TP53I13: variants seen among roughly 807,000 people sequenced by gnomAD.
TP53I13 encodes the protein tumor protein p53 inducible protein 13.
TP53I13 carries 27 observed loss-of-function variants against 39.1 expected under a neutral mutation model. The observed-to-expected ratio is 0.69, with a 90% CI of 0.51 to 0.95. The LOEUF (loss-of-function observed/expected upper bound fraction) is 0.95. TP53I13 is among the 40% of genes least tolerant of loss of function. The probability of loss-of-function intolerance (pLI) is 0.00; values close to 1 mark genes in which losing one functional copy is unlikely to be tolerated. For missense variants in TP53I13, 544 were observed against 520.4 expected (o/e 1.05, Z -0.44); for synonymous variants, 230 against 224.6 (o/e 1.02, Z -0.22).
the TP53I13 span, chr17:29,578,815 G>C: frequency 6.2e-7 from 1 of 1,602,636 alleles, no homozygotes; most frequent in Non-Finnish European, 8.6e-7. Flanking sequence ...GGGAGGAGAG[G>C]AGAGACCTGA....
Position 29,568,768 on chromosome 17 carries a change from C to T in TP53I13, c.10C>T (p.Pro4Ser), listed in dbSNP as rs1369540955. 3.1e-6 allele frequency: 5 copies of T among 1,590,328 alleles called. No individual in the cohort carries two copies. The highest frequency in any genetic ancestry group is 4.3e-6 in the Non-Finnish European group (5 of 1,176,224). The stretch of plus-strand genomic sequence containing the variant: ...CCCGGGGCCGCTTGGAATGGCGCCT[C>T]CTCCGCCTTCGCCCCAACTGCTTCT... MAP[P>S]PPSPQLLLLA... The change falls in exon 1 of 7, where the codon CCT becomes TCT. Residue 4 changes from proline (P) to serine (S), a missense_variant. Transcript: ENST00000301057. This position sits in a 1 kb window ranked among gnomAD's most constrained non-coding sequence, Gnocchi z 4.5.
chr17:29,577,028 C>G, downstream of TP53I13: 2 of 1,605,750 alleles, frequency 1.2e-6, no homozygotes, highest in Non-Finnish European at 1.7e-6. Context: ...TCAGGCCACA[C>G]TCCACCACAC....
rs374274922 is a variant in TP53I13 at position 29,572,167 on chromosome 17, G to A, written c.539G>A (p.Arg180Gln). Reference sequence around the variant, plus strand: ...GCCCTGGCTCTGGCCTTTGCTCTGCGGAGCTGGCGGCCCCCTGGCACAGAG... The same window carrying A: ...GCCCTGGCTCTGGCCTTTGCTCTGCAGAGCTGGCGGCCCCCTGGCACAGAG... Reference protein sequence around the residue: ...VQALALAFALRSWRPPGTEVT... With the variant: ...VQALALAFALQSWRPPGTEVT... The change falls in exon 6 of 7, where the codon CGG becomes CAG. Residue 180 changes from arginine (R) to glutamine (Q), a missense_variant. Coordinates refer to ENST00000301057, the MANE Select transcript of TP53I13 (RefSeq NM_138349.4). 42 of 1,608,168 alleles carry A rather than the reference G, an allele frequency of 2.6e-5. No homozygotes were observed. The highest frequency in any genetic ancestry group is 3.2e-5 in the Non-Finnish European group (38 of 1,176,968).
rs2033032242 is a variant in TP53I13, at chr17:29,573,089, G to A, written c.*165G>A. 4 of 492,716 alleles carry A rather than the reference G, an allele frequency of 8.1e-6. No individual in the cohort carries two copies. Among genetic ancestry groups the A allele is most frequent in the East Asian group, 3.7e-5 (1 of 27,244 alleles). The allele number at this position is 492,716 out of a possible 1,614,324, so 30.5% of individuals were successfully genotyped here. ...TGTTGGTTGCTGAGTGGGCGGCCAA[G>A]GGGAGAAAAGGAGCCGCTTCTGCCT... On this transcript the variant is annotated 3_prime_UTR_variant, in exon 7 of 7. Coordinates refer to ENST00000301057, the MANE Select transcript of TP53I13 (RefSeq NM_138349.4).
At chr17:29,568,642 A>G (rs911685578), upstream of TP53I13, 1 of 635,656 alleles carries the variant, frequency 1.6e-6, no homozygotes, top group African/African-American at 2.3e-5. This position sits in a 1 kb window ranked among gnomAD's most constrained non-coding sequence, Gnocchi z 4.5. Context: ...GCCCAGGGCC[A>G]ACGGACGCGC....
At position 29,569,003 on chromosome 17, in the gene TP53I13, G is replaced by A. The variant is rs2032818540; in HGVS notation, c.73-15G>A. On this transcript the variant is annotated splice_polypyrimidine_tract_variant and intron_variant, in intron 1 of 6. Transcript: ENST00000301057. ...GCCGCGTCCAGCGCCCCAACTCTTC[G>A]CTTTGGACCCACAGGTGATGGCTGG... 3 of 1,607,340 alleles carry A rather than the reference G, an allele frequency of 1.9e-6. No individual in the cohort carries two copies. Among genetic ancestry groups the A allele is most frequent in the East Asian group, 4.5e-5 (2 of 44,616 alleles).
At chr17:29,577,219 G>A (rs1239441366), downstream of TP53I13, 1 of 1,613,866 alleles carries the variant, frequency 6.2e-7, no homozygotes, top group African/African-American at 1.3e-5. Flanking sequence ...AAACTCTCGG[G>A]CATTAAAGCG....
chr17:29,573,024 T>C lies in TP53I13; in HGVS notation c.*100T>C. 1 of 1,001,962 alleles carries C rather than the reference T, an allele frequency of 1.0e-6. No homozygotes were observed. The highest frequency in any genetic ancestry group is 3.4e-5 in the East Asian group (1 of 29,818). 62.1% of individuals were successfully genotyped at this position (1,001,962 alleles called of 1,614,324 possible). A position where few individuals can be genotyped will look rare whatever the true frequency, so the allele number is the denominator to read the frequency against. On this transcript the variant is annotated 3_prime_UTR_variant, in exon 7 of 7. Coordinates refer to ENST00000301057, the MANE Select transcript of TP53I13 (RefSeq NM_138349.4). ...CGCGCGGGGCGCTCCCTGGTGGCGA[T>C]GGCGCGGCACTGGCCGAGCACTGCG...
chr17:29,578,954 C>T, the TP53I13 span: 1 of 1,613,596 alleles, frequency 6.2e-7, no homozygotes, highest in Non-Finnish European at 8.5e-7. Flanking sequence ...CCGGCAGGCA[C>T]CATATACCTC....
chr17:29,573,295 C>T (rs879125406), downstream of TP53I13: 1 of 216,164 alleles, frequency 4.6e-6, no homozygotes, highest in East Asian at 1.0e-4. Context: ...GGAATGTGCT[C>T]GTGGGAGGGT....
intron 3 of TP53I13, 160 bp downstream of exon 3, chr17:29,569,519 C>A: frequency 1.5e-6 from 1 of 653,910 alleles, no homozygotes; most frequent in Non-Finnish European, 2.6e-6. Flanking sequence ...AAGCCCAGGA[C>A]AGATCAGCCC....
chr17:29,576,660 C>T (rs143219325), downstream of TP53I13: 44 of 1,613,826 alleles, frequency 2.7e-5, no homozygotes, highest in African/African-American at 3.9e-4. Context: ...CAGACAAGTC[C>T]GAGGAGTCCA....
chr17:29,568,894 G>A lies in TP53I13; in HGVS notation c.72+64G>A. 3.1e-6 allele frequency: 5 copies of A among 1,598,930 alleles called. No homozygotes were observed. The highest frequency in any genetic ancestry group is 3.4e-6 in the Non-Finnish European group (4 of 1,177,624). On this transcript the variant is annotated intron_variant, in intron 1 of 6. Transcript: ENST00000301057. The surrounding 1 kb of genome is among the most constrained non-coding windows in gnomAD (Gnocchi z 4.5). ...GCTCAAAGCGCTTTGCCAAAAGTTCGTCCTGGAAGGAGTGGCGCGCCGAGG... is the reference window on the plus strand; with the variant it reads ...GCTCAAAGCGCTTTGCCAAAAGTTCATCCTGGAAGGAGTGGCGCGCCGAGG...
intron 3 of TP53I13, 28 bp from the exon 4 acceptor site, chr17:29,571,563 C>T (rs375679620): frequency 3.1e-6 from 5 of 1,611,936 alleles, no homozygotes; most frequent in African/African-American, 1.3e-5. Context: ...TCTGGGCCTG[C>T]TTTGATGTCT....
chr17:29,576,923 G>A (rs756634032), downstream of TP53I13: 64 of 1,586,294 alleles, frequency 4.0e-5, no homozygotes, highest in East Asian at 1.6e-4. Context: ...CTGTGTCCTC[G>A]TCAGAGGCCA....
chr17:29,566,384 C>T (rs763365790), upstream of TP53I13: 9 of 1,610,916 alleles, frequency 5.6e-6, no homozygotes, highest in East Asian at 1.8e-4. Context: ...CCGTGGTGGC[C>T]GCGGCGATGG....
the TP53I13 span, chr17:29,581,261 G>T: frequency 4.7e-6 from 5 of 1,075,162 alleles, no homozygotes; most frequent in Non-Finnish European, 7.2e-6. The surrounding 1 kb of genome is among the most constrained non-coding windows in gnomAD (Gnocchi z 4.8). Flanking sequence ...TCTGAAACCT[G>T]GGCTGGGAGC....
chr17:29,566,905 A>G (rs1213041551), upstream of TP53I13: 4 of 1,489,044 alleles, frequency 2.7e-6, no homozygotes, highest in Non-Finnish European at 3.5e-6. Context: ...CCGCGGGCCG[A>G]GCAGGCCGAG....
At position 29,571,624 on chromosome 17, in the gene TP53I13, G is replaced by A; in HGVS notation, c.217G>A (p.Ala73Thr). 1 of 1,614,122 alleles carries A rather than the reference G, an allele frequency of 6.2e-7. No individual in the cohort carries two copies. Among genetic ancestry groups the A allele is most frequent in the Non-Finnish European group, 8.5e-7 (1 of 1,180,010 alleles). The stretch of plus-strand genomic sequence containing the variant: ...TGTCACCTTCCTCTACCACCCCTGT[G>A]CCCATCCCTGGCTGAAGCTCCAGCT... ...EDVTFLYHPC[A>T]HPWLKLQLAL... Residue 73 changes from alanine (A) to threonine (T), a missense_variant, in exon 4 of 7, where the codon GCC (alanine) becomes ACC (threonine). By Grantham distance (58) the Ala-to-Thr change is moderately conservative (BLOSUM62 0). Coordinates refer to ENST00000301057, the MANE Select transcript of TP53I13 (RefSeq NM_138349.4).
Sources: gnomAD v4.1 joint callset for allele counts on GRCh38, gnomAD v4.1.1 for gene constraint, Gnocchi (gnomAD v3.1) non-coding constraint, MANE v1.5 for transcripts, NCBI Gene and HGNC (gene_info 2026-07-23, HGNC 2026-07-21) for gene names.